IRX6: variants seen among roughly 807,000 people sequenced by gnomAD.
IRX6 encodes iroquois homeobox 6.
Under a neutral mutation model 47.7 loss-of-function variants are expected in IRX6, and 46 were observed. The ratio of observed to expected loss-of-function variants is 0.96; its 90% confidence interval spans 0.76 to 1.23. IRX6 has a LOEUF of 1.23. Among genes scored for constraint, IRX6 ranks in the 50% most tolerant of loss-of-function variants. The pLI is 0.00. For synonymous variants in IRX6, 265 were observed against 246.2 expected (o/e 1.08, Z -0.72); for missense variants, 722 against 588.0 (o/e 1.23, Z -2.36).
In IRX6 at chr16:55,326,964, G is replaced by C. The variant is rs1310228639; in HGVS notation, c.304-332G>C. The C allele has an allele frequency of 2.3e-5, 3 of 128,992 alleles. 1 individual carries two copies. Among genetic ancestry groups the C allele is most frequent in the East Asian group, 8.0e-4 (2 of 2,510 alleles). 8.0% of individuals were successfully genotyped at this position (128,992 alleles called of 1,614,324 possible). ...GTGTGTTGTGGGGCAGGGGGCGGGGGGTGGGGGGCAGTAAGGGGGGAAAGG... is the reference window on the plus strand; with the variant it reads ...GTGTGTTGTGGGGCAGGGGGCGGGGCGTGGGGGGCAGTAAGGGGGGAAAGG... On this transcript the variant is annotated intron_variant, in intron 2 of 5. Coordinates refer to ENST00000290552, the MANE Select transcript of IRX6 (RefSeq NM_024335.3).
intron 5 of IRX6, among the ~76,000 whole-genome samples, 161 bp from the exon 6 acceptor site, chr16:55,330,137 C>A (rs922124875): frequency 2.0e-5 from 3 of 152,240 alleles, no homozygotes; most frequent in Admixed American, 6.5e-5. Context: ...GTGGGTTACA[C>A]TGTTATTTGA....
chr16:55,326,723 A>T (rs1960535132), intron 2 of IRX6, 130 bp downstream of exon 2: 1 of 922,888 alleles, frequency 1.1e-6, no homozygotes, highest in Non-Finnish European at 1.6e-6. Flanking sequence ...GGACAAAAAA[A>T]TACAGTACCT....
Position 55,327,585 on chromosome 16 carries a change from G to C in IRX6, c.414-1G>C. The C allele has an allele frequency of 6.3e-7, 1 of 1,596,570 alleles. No homozygotes were observed. Among genetic ancestry groups the C allele is most frequent in the South Asian group, 1.1e-5 (1 of 87,886 alleles). On this transcript the variant is annotated splice_acceptor_variant, in intron 3 of 5. Transcript: ENST00000290552. LOFTEE classifies it high-confidence loss of function. The stretch of plus-strand genomic sequence containing the variant: ...AATGTGAGCCAGGTTCTCCCCCACA[G>C]GTATGGCGCAGTGGAATTGAGTGGC...
At position 55,325,549 on chromosome 16, in the gene IRX6, GAGAGAGAGAGAGAAAGAA is replaced by G. The variant is rs1567338581; in HGVS notation, c.45+419_45+436del. Among the ~76,000 whole-genome samples, 34 of 12,900 alleles carry G rather than the reference GAGAGAGAGAGAGAAAGAA, an allele frequency of 2.6e-3. 13 individuals carry two copies. The East Asian group carries it at 0.064, about 24-fold the overall frequency. 8.5% of individuals were successfully genotyped at this position (12,900 alleles called of 152,430 possible). A position where few individuals can be genotyped will look rare whatever the true frequency, so the allele number is the denominator to read the frequency against. On this transcript the variant is annotated intron_variant, in intron 1 of 5. Transcript: ENST00000290552. ...AAGGAAGGAGAGAGAGAGAGAGAGA[GAGAGAGAGAGAGAAAGAA>G]AGAGAAAGAAAGAAAGAAGGAAAGA... is the stretch of plus-strand genomic sequence containing the variant.
rs200830196 is a variant in IRX6, at chr16:55,328,723, C to G, written c.745C>G (p.Arg249Gly). 3 of 1,613,128 alleles carry G rather than the reference C, an allele frequency of 1.9e-6. No individual in the cohort carries two copies. Among genetic ancestry groups the G allele is most frequent in the South Asian group, 1.1e-5 (1 of 91,070 alleles). Residue 249 changes from arginine to glycine, a missense_variant, in exon 5 of 6, where the codon CGG becomes GGG. Transcript: ENST00000290552. ...TKEVTASQEA[R>G]GLRLSDLEDL... The stretch of plus-strand genomic sequence containing the variant: ...AGAAGTTACTGCTAGCCAGGAGGCC[C>G]GGGGGCTCCGGCTGAGTGACCTGGA...
intron 2 of IRX6, 53 bp from the exon 3 acceptor site, chr16:55,327,243 C>A: frequency 7.8e-7 from 1 of 1,290,190 alleles, no homozygotes; most frequent in Non-Finnish European, 1.1e-6. Context: ...GCTACCACCC[C>A]ATGTGCCCCC....
chr16:55,329,433 A>G lies in IRX6; in HGVS notation c.1333+122A>G, dbSNP rs1208625199. The G allele has an allele frequency of 7.0e-6, 9 of 1,280,472 alleles. No individual in the cohort carries two copies. In the South Asian group the frequency reaches 1.2e-4, roughly 17 times the overall value. 79.3% of individuals were successfully genotyped at this position (1,280,472 alleles called of 1,614,324 possible). ...CCAGGTCTCCCACAGAACTGACGGG[A>G]GATTGCTTTACAGCGCTCTTTCAGA... On this transcript the variant is annotated intron_variant, in intron 5 of 5. Transcript: ENST00000290552.
chr16:55,326,939 G>A (rs1960538075), intron 2 of IRX6: 1 of 188,866 alleles, frequency 5.3e-6, no homozygotes, highest in Non-Finnish European at 1.0e-5. Flanking sequence ...CCCAGCTGGT[G>A]TGTGTTGTGG....
In IRX6 at chr16:55,324,539, G is replaced by T. The variant is rs75659475; in HGVS notation, c.-553G>T. ...GTGAGCTCCAGGCGAAAAGGGGTAG[G>T]ATTCAGCGCCGAGCAGAGAGGGTCA... On this transcript the variant is annotated 5_prime_UTR_variant, in exon 1 of 6. Transcript: ENST00000290552. The surrounding 1 kb of genome is among the most constrained non-coding windows in gnomAD (Gnocchi z 4.4). The T allele has an allele frequency of 0.05, 7,640 of 153,184 alleles. 250 individuals carry two copies. Among genetic ancestry groups the T allele is most frequent in the East Asian group, 0.12 (601 of 5,048 alleles). 9.5% of individuals were successfully genotyped at this position (153,184 alleles called of 1,614,324 possible).
In IRX6 at chr16:55,329,078, C is replaced by G; in HGVS notation, c.1100C>G (p.Pro367Arg). The change falls in exon 5 of 6, where the codon CCC (proline) becomes CGC (arginine). Residue 367 changes from proline (P) to arginine (R), a missense_variant. Transcript: ENST00000290552. ...ACAGCCAGCGCTGTTGAAGGTGCAC[C>G]CCCAGCCCGGCCTAGGCCACGAAGT... is the stretch of plus-strand genomic sequence containing the variant. ...TATASAVEGA[P>R]PARPRPRSPE... 1 of 1,614,096 alleles carries G rather than the reference C, an allele frequency of 6.2e-7. No individual in the cohort carries two copies. The highest frequency in any genetic ancestry group is 8.5e-7 in the Non-Finnish European group (1 of 1,180,036).
rs780010689 is a variant in IRX6 at position 55,327,817 on chromosome 16, G to C, written c.645G>C (p.Lys215Asn). The C allele has an allele frequency of 1.9e-6, 3 of 1,613,118 alleles. No individual in the cohort carries two copies. The highest frequency in any genetic ancestry group is 2.5e-6 in the Non-Finnish European group (3 of 1,179,864). Residue 215 changes from lysine to asparagine, a missense_variant, in exon 4 of 6, where the codon AAG (lysine) becomes AAC (asparagine). Transcript: ENST00000290552. ...KKENKMTWAP[K>N]NKGGEERKAE... ...AGAACAAAATGACATGGGCGCCCAA[G>C]AACAAAGGTGGGGAGGAGAGGAAGG...
intron 1 of IRX6, 152 bp from the exon 2 acceptor site, chr16:55,326,184 G>A (rs1596879509): frequency 1.4e-6 from 1 of 707,956 alleles, no homozygotes; most frequent in South Asian, 1.9e-5. Context: ...AGCCCAGGTG[G>A]CATTTAGTTA....
At position 55,324,733 on chromosome 16, in the gene IRX6, G is replaced by A; in HGVS notation, c.-359G>A. 3.4e-6 allele frequency: 1 copy of A among 291,012 alleles called. No homozygotes were observed. The highest frequency in any genetic ancestry group is 9.2e-5 in the East Asian group (1 of 10,898). The allele number at this position is 291,012 out of a possible 1,614,324, so 18.0% of individuals were successfully genotyped here. The stretch of plus-strand genomic sequence containing the variant: ...CCCGGGATTACCGTGACGTCACATT[G>A]AGCCTCTGGCCACCTTGGACTGGGA... On this transcript the variant is annotated 5_prime_UTR_variant, in exon 1 of 6. Transcript: ENST00000290552. This position sits in a 1 kb window ranked among gnomAD's most constrained non-coding sequence, Gnocchi z 4.4.
intron 4 of IRX6, among the ~76,000 whole-genome samples, chr16:55,328,220 C>T (rs530887540): frequency 2.8e-4 from 42 of 152,226 alleles, no homozygotes; most frequent in African/African-American, 9.6e-4. Flanking sequence ...GTTTACATAC[C>T]CAACTTCCCT....
In IRX6 at chr16:55,328,814, G is replaced by A. The variant is rs745902960; in HGVS notation, c.836G>A (p.Gly279Glu). The change falls in exon 5 of 6, where the codon GGG (glycine) becomes GAG (glutamate). Residue 279 changes from glycine to glutamate, a missense_variant. Coordinates refer to ENST00000290552, the MANE Select transcript of IRX6 (RefSeq NM_024335.3). ...GACGAGGAGGTAGTGGCCACAGCTG[G>A]GGACAGGCTGACGGAGTTCCGAAAG... ...AEDEEVVATA[G>E]DRLTEFRKGA... 5 of 1,613,088 alleles carry A rather than the reference G, an allele frequency of 3.1e-6. No homozygotes were observed. The highest frequency in any genetic ancestry group is 1.7e-5 in the Admixed American group (1 of 60,032).
In IRX6 at chr16:55,325,539, GAGAGAGAGAGAGAGAGAGAGAGAA is replaced by G. The variant is rs1960502559; in HGVS notation, c.45+407_45+430del. ...GGAAGGAAGGAAGGAAGGAGAGAGA[GAGAGAGAGAGAGAGAGAGAGAGAA>G]AGAAAGAGAAAGAAAGAAAGAAGGA... On this transcript the variant is annotated intron_variant, in intron 1 of 5. Coordinates refer to ENST00000290552, the MANE Select transcript of IRX6 (RefSeq NM_024335.3). Among the ~76,000 whole-genome samples the G allele has an allele frequency of 9.2e-5, 6 of 65,036 alleles. 2 individuals carry two copies. Among genetic ancestry groups the G allele is most frequent in the African/African-American group, 4.0e-4 (6 of 15,062 alleles). 42.7% of individuals were successfully genotyped at this position (65,036 alleles called of 152,430 possible).
chr16:55,326,008 A>C, intron 1 of IRX6: 1 of 293,664 alleles, frequency 3.4e-6, no homozygotes, highest in Non-Finnish European at 6.4e-6. Context: ...TCCTGGGAGG[A>C]GGGTAGGGAA....
chr16:55,326,145 T>A (rs1960517346), intron 1 of IRX6, 191 bp from the exon 2 acceptor site: 1 of 615,682 alleles, frequency 1.6e-6, no homozygotes, highest in South Asian at 2.1e-5. Context: ...TAATTTATAA[T>A]TCCCGTCCCA....
At chr16:55,325,553 GAGAGAGAGAA>G (rs1567338587) in intron 1 of IRX6, among the ~76,000 whole-genome samples, 498 of 16,436 alleles carry the variant, frequency 0.03, 157 homozygotes, top group African/African-American at 0.052. Context: ...GAGAGAGAGA[GAGAGAGAGAA>G]AGAAAGAGAA....
Sources: gnomAD v4.1 joint callset for allele counts (sites outside exome capture counted in the v4.1 genomes callset) on GRCh38, gnomAD v4.1.1 for gene constraint, Gnocchi (gnomAD v3.1) non-coding constraint, MANE v1.5 for transcripts, NCBI Gene and HGNC (gene_info 2026-07-23, HGNC 2026-07-21) for gene names.